The following TNRC18 variants were observed in gnomAD, a reference collection of about 807,000 sequenced individuals.
The protein encoded by TNRC18 is trinucleotide repeat containing 18.
A neutral mutation model predicts 226.7 loss-of-function variants in TNRC18; 69 were observed. The ratio of observed to expected loss-of-function variants is 0.30; its 90% CI spans 0.25 to 0.37. The LOEUF (loss-of-function observed/expected upper bound fraction) is 0.37, where lower values mean the gene tolerates loss of function less well. TNRC18 is among the 10% of genes least tolerant of loss of function. TNRC18 has a pLI of 1.00. For missense variants in TNRC18, 4,754 were observed against 4,256.6 expected (o/e 1.12, Z -3.25); for synonymous variants, 2,449 against 1,927.6 (o/e 1.27, Z -7.09).
Position 5,377,126 on chromosome 7 carries a change from G to C in TNRC18, c.2462-133C>G. ...CTCCAGTGGGGAAGCCAAGGGACAG[G>C]GGTGCTGGCTGGCTGCAAAGAGCAC... On this transcript the variant is annotated intron_variant, in intron 7 of 29. Coordinates refer to ENST00000430969, the MANE Select transcript of TNRC18 (RefSeq NM_001080495.3). This position sits in a 1 kb window ranked among gnomAD's most constrained non-coding sequence, Gnocchi z 5.8. 7.4e-7 allele frequency: 1 copy of C among 1,349,832 alleles called. No individual in the cohort carries two copies. The allele number at this position is 1,349,832 out of a possible 1,614,324, so 83.6% of individuals were successfully genotyped here. A position where few individuals can be genotyped will look rare whatever the true frequency, so the allele number is the denominator to read the frequency against.
chr7:5,362,498 C>T (rs1562550643), intron 12 of TNRC18, among the ~76,000 whole-genome samples, 152 bp downstream of exon 12: 1 of 152,096 alleles, frequency 6.6e-6, no homozygotes, highest in East Asian at 1.9e-4. Flanking sequence ...TTGACTGGGA[C>T]CACACAGCAC....
Position 5,316,067 on chromosome 7 carries a change from G to C in TNRC18, c.6751C>G (p.Leu2251Val), listed in dbSNP as rs369501562. 10 of 1,611,174 alleles carry C rather than the reference G, an allele frequency of 6.2e-6. No individual in the cohort carries two copies. The highest frequency in any genetic ancestry group is 7.6e-6 in the Non-Finnish European group (9 of 1,178,710). The change falls in exon 25 of 30, where the codon CTG (leucine) becomes GTG (valine). Residue 2251 changes from leucine to valine, a missense_variant. Physicochemically the swap from Leu to Val is conservative, Grantham distance 32. Transcript: ENST00000430969. ...LYPGTVVRGLLDLEDDGDLIT... is the reference protein window; with the variant it reads ...LYPGTVVRGLVDLEDDGDLIT... ...AAGTCCCCATCGTCCTCCAGGTCCAGTAACCCTGTGGGAAGAGGGGAGGCT... is the reference window on the plus strand; with the variant it reads ...AAGTCCCCATCGTCCTCCAGGTCCACTAACCCTGTGGGAAGAGGGGAGGCT...
At chr7:5,359,590 C>T (rs768143604) in intron 14 of TNRC18, 21 bp from the exon 15 acceptor site, 9 of 1,612,658 alleles carry the variant, frequency 5.6e-6, no homozygotes, top group Admixed American at 1.7e-5. Context: ...GACACACTGC[C>T]GGTCAGCACC....
At position 5,388,032 on chromosome 7, in the gene TNRC18, C is replaced by T; in HGVS notation, c.1792G>A (p.Asp598Asn). 1 of 1,565,934 alleles carries T rather than the reference C, an allele frequency of 6.4e-7. No homozygotes were observed. Among genetic ancestry groups the T allele is most frequent in the Non-Finnish European group, 8.6e-7 (1 of 1,156,302 alleles). Residue 598 changes from aspartate (D) to asparagine (N), a missense_variant, in exon 5 of 30, where the codon GAC (aspartate) becomes AAC (asparagine). By Grantham distance (23) the Asp-to-Asn change is conservative. Coordinates refer to ENST00000430969, the MANE Select transcript of TNRC18 (RefSeq NM_001080495.3). ...LIKYSGSFAR[D>N]AVAVRPGGCG... Reference sequence around the variant, plus strand: ...CCACCAGGGCGCACGGCCACGGCGTCCCGGGCAAAGCTGCCACTGTACTTT... The same window carrying T: ...CCACCAGGGCGCACGGCCACGGCGTTCCGGGCAAAGCTGCCACTGTACTTT...
chr7:5,334,508 A>T (rs1209906853), intron 18 of TNRC18, among the ~76,000 whole-genome samples: 1 of 149,412 alleles, frequency 6.7e-6, no homozygotes, highest in African/African-American at 2.5e-5. Context: ...CGTGTTAGGC[A>T]GGCTGGTCTC....
chr7:5,334,275 G>C (rs939762136), intron 18 of TNRC18, among the ~76,000 whole-genome samples: 31 of 151,372 alleles, frequency 2.0e-4, no homozygotes, highest in African/African-American at 7.5e-4. Context: ...CACCAGCAAA[G>C]TGTAATAATC....
intron 2 of TNRC18, among the ~76,000 whole-genome samples, chr7:5,404,835 G>A (rs1054765740): frequency 4.6e-5 from 7 of 151,702 alleles, no homozygotes; most frequent in South Asian, 2.1e-4. Flanking sequence ...CAGAAATGGC[G>A]GAGCACGGTA....
In TNRC18 at chr7:5,309,216, C is replaced by T. The variant is rs373788007; in HGVS notation, c.8541G>A (p.Ser2847=). The change falls in exon 28 of 30, where the codon TCG becomes TCA. Residue 2847 remains serine (S), a synonymous_variant. Coordinates refer to ENST00000430969, the MANE Select transcript of TNRC18 (RefSeq NM_001080495.3). The surrounding 1 kb of genome is among the most constrained non-coding windows in gnomAD (Gnocchi z 5.7). ...CGCGGACCACCATGTTGTTGCCCCACGACTCCCACATGCTCTGGATGCGGC... is the reference window on the plus strand; with the variant it reads ...CGCGGACCACCATGTTGTTGCCCCATGACTCCCACATGCTCTGGATGCGGC... ...YIGRIQSMWE[S]WGNNMVVRVK... is the part of the protein sequence containing the mutation. 119 of 1,613,690 alleles carry T rather than the reference C, an allele frequency of 7.4e-5. No homozygotes were observed. In the African/African-American group the frequency reaches 9.6e-4, roughly 13 times the overall value.
rs751690664 is a variant in TNRC18 at position 5,394,603 on chromosome 7, G to A, written c.188-8C>T. 1 of 1,540,186 alleles carries A rather than the reference G, an allele frequency of 6.5e-7. No homozygotes were observed. Among genetic ancestry groups the A allele is most frequent in the South Asian group, 1.2e-5 (1 of 83,044 alleles). On this transcript the variant is annotated splice_polypyrimidine_tract_variant and splice_region_variant and intron_variant, in intron 2 of 29. Transcript: ENST00000430969. This position sits in a 1 kb window ranked among gnomAD's most constrained non-coding sequence, Gnocchi z 4.5. ...TGCCCAAGAAGGCCTCGCCTGCAGA[G>A]AGAAGTTGGGAGGACCGTCAGGCAG...
At chr7:5,323,568 G>GTTTGTT (rs1788598213) in intron 21 of TNRC18, among the ~76,000 whole-genome samples, 1 of 122,272 alleles carries the variant, frequency 8.2e-6, no homozygotes, top group Admixed American at 9.0e-5. Context: ...GCACCAGACA[G>GTTTGTT]TTTTTTTTTT....
chr7:5,353,121 G>C lies in TNRC18; in HGVS notation c.5195-1027C>G, dbSNP rs147826004. Among the ~76,000 whole-genome samples, 80 of 152,318 alleles carry C rather than the reference G, an allele frequency of 5.3e-4. 1 individual carries two copies. In the East Asian group the frequency reaches 0.014, roughly 27 times the overall value. On this transcript the variant is annotated intron_variant, in intron 16 of 29. Transcript: ENST00000430969. ...AGGGTCCAGCCCCGCCAGGCTACCA[G>C]CCCCTGCCCATCGAACCAGTCAAAG... is the stretch of plus-strand genomic sequence containing the variant.
Position 5,332,727 on chromosome 7 carries a change from G to A in TNRC18, c.6042C>T (p.Pro2014=), listed in dbSNP as rs1285250642. 1.3e-6 allele frequency: 2 copies of A among 1,524,860 alleles called. No individual in the cohort carries two copies. Among genetic ancestry groups the A allele is most frequent in the Non-Finnish European group, 8.8e-7 (1 of 1,140,962 alleles). 94.5% of individuals were successfully genotyped at this position (1,524,860 alleles called of 1,614,324 possible). The stretch of plus-strand genomic sequence containing the variant: ...TCTTGGTGGCGGGCGCGGTGCTGAC[G>A]GGCGCAGGTGCAGCAGCCGAGGCGT... ...LHDASAAAPA[P]VSTAPATKTS... is the part of the protein sequence containing the mutation. The change falls in exon 19 of 30, where the codon CCC becomes CCT. Residue 2014 remains proline, a synonymous_variant. Transcript: ENST00000430969.
At chr7:5,420,497 C>T (rs1782494512) in intron 2 of TNRC18, 1 of 449,076 alleles carries the variant, frequency 2.2e-6, no homozygotes. Context: ...GGGCATCCCG[C>T]CCGCCCCGAG....
At position 5,307,983 on chromosome 7, in the gene TNRC18, C is replaced by T. The variant is rs1446885462; in HGVS notation, c.*123G>A. The T allele has an allele frequency of 9.1e-6, 8 of 876,178 alleles. No individual in the cohort carries two copies. In the Admixed American group the frequency reaches 2.0e-4, roughly 21 times the overall value. The allele number at this position is 876,178 out of a possible 1,614,324, so 54.3% of individuals were successfully genotyped here. On this transcript the variant is annotated 3_prime_UTR_variant, in exon 30 of 30. Coordinates refer to ENST00000430969, the MANE Select transcript of TNRC18 (RefSeq NM_001080495.3). ...GGGCATCCACGTGCACACCTGGCCC[C>T]ATGCACACGCCTGCAGGAGCGCTCG...
At chr7:5,337,371 C>T (rs1266282413) in intron 18 of TNRC18, among the ~76,000 whole-genome samples, 3 of 152,052 alleles carry the variant, frequency 2.0e-5, no homozygotes, top group Non-Finnish European at 4.4e-5. Flanking sequence ...GTAATCCCAA[C>T]TACTCGGGAG....
chr7:5,320,684 T>G, intron 22 of TNRC18, 77 bp from the exon 23 acceptor site: 1 of 1,273,728 alleles, frequency 7.9e-7, no homozygotes, highest in Non-Finnish European at 1.1e-6. Flanking sequence ...AGCACAGCAC[T>G]GCCTCCTAGA....
chr7:5,374,977 C>T (rs775688744), intron 9 of TNRC18, among the ~76,000 whole-genome samples: 2 of 152,190 alleles, frequency 1.3e-5, no homozygotes, highest in South Asian at 2.1e-4. Flanking sequence ...GTCAGCTCGG[C>T]GACCACCAAT....
intron 10 of TNRC18, among the ~76,000 whole-genome samples, chr7:5,372,162 G>C (rs1033333604): frequency 6.6e-6 from 1 of 151,878 alleles, no homozygotes; most frequent in Admixed American, 6.6e-5. Flanking sequence ...CCACCTCCTG[G>C]GTTCACGCCC....
chr7:5,402,018 A>G (rs991288053), intron 2 of TNRC18, among the ~76,000 whole-genome samples: 5 of 152,028 alleles, frequency 3.3e-5, no homozygotes, highest in African/African-American at 1.2e-4. Context: ...TACTAAAAAC[A>G]AAAAGAAAAA....
Sources: gnomAD v4.1 joint callset for allele counts (sites outside exome capture counted in the v4.1 genomes callset) on GRCh38, gnomAD v4.1.1 for gene constraint, Gnocchi (gnomAD v3.1) non-coding constraint, MANE v1.5 for transcripts, NCBI Gene and HGNC (gene_info 2026-07-23, HGNC 2026-07-21) for gene names.